NUP214: variants seen among roughly 807,000 people sequenced by gnomAD.
NUP214 encodes the protein nucleoporin 214.
A neutral mutation model predicts 196.2 loss-of-function variants in NUP214; 79 were observed. The observed-to-expected ratio is 0.40, with a 90% CI of 0.34 to 0.49. NUP214 has a LOEUF of 0.49. Ranked by LOEUF, NUP214 falls within the 20% of genes least tolerant of loss-of-function variation. The probability of loss-of-function intolerance (pLI) is 0.58; values close to 1 mark genes in which losing one functional copy is unlikely to be tolerated. For missense variants in NUP214, 2,468 were observed against 2,539.0 expected (o/e 0.97, Z 0.60); for synonymous variants, 1,020 against 990.5 (o/e 1.03, Z -0.56).
intron 30 of NUP214, 41 bp from the exon 31 acceptor site, chr9:131,215,171 C>G (rs750276422): frequency 4.8e-6 from 7 of 1,456,528 alleles, no homozygotes; most frequent in Non-Finnish European, 6.4e-6. Flanking sequence ...TTCACGATGA[C>G]CTCTCATCCT....
rs144157678 is a variant in NUP214 at position 131,198,372 on chromosome 9, C to T, written c.4878C>T (p.Pro1626=). The change falls in exon 29 of 36, where the codon CCC becomes CCT. Residue 1626 remains proline (P), a synonymous_variant. Transcript: ENST00000359428. ...IASSTTSIVA[P]GPSAEAAAFG... ...CCAGCACCACGTCCATTGTTGCTCC[C>T]GGCCCATCTGCAGAGGCAGCAGCAT... is the stretch of plus-strand genomic sequence containing the variant. 62 of 1,614,124 alleles carry T rather than the reference C, an allele frequency of 3.8e-5. No homozygotes were observed. Among genetic ancestry groups the T allele is most frequent in the Non-Finnish European group, 4.8e-5 (57 of 1,180,050 alleles).
chr9:131,169,044 T>TG (rs1247366553), intron 21 of NUP214, among the ~76,000 whole-genome samples: 27 of 148,374 alleles, frequency 1.8e-4, no homozygotes, highest in African/African-American at 6.4e-4. Flanking sequence ...GTTTTTTTTT[T>TG]TTTTTTGGAG....
At chr9:131,145,605 G>C (rs958683796) in intron 12 of NUP214, among the ~76,000 whole-genome samples, 4 of 152,208 alleles carry the variant, frequency 2.6e-5, no homozygotes, top group Non-Finnish European at 5.9e-5. Context: ...TCTAATGCTG[G>C]AGTTTAGATT....
intron 17 of NUP214, among the ~76,000 whole-genome samples, chr9:131,152,561 T>G (rs1440817049): frequency 6.6e-6 from 1 of 152,088 alleles, no homozygotes; most frequent in Non-Finnish European, 1.5e-5. Context: ...TTTAATCTGC[T>G]AGGTGTTTCT....
rs184345700 is a variant in NUP214, at chr9:131,136,450, G to A, written c.1005+444G>A. On this transcript the variant is annotated intron_variant, in intron 9 of 35. Transcript: ENST00000359428. ...GGGTGTCAGACTTAGCACTTCCTTC[G>A]CTTCTGTTCTTTTAGGATCCAACCC... is the stretch of plus-strand genomic sequence containing the variant. 2.5e-3 allele frequency: 390 copies of A among 155,616 alleles called. 1 individual carries two copies. Among genetic ancestry groups the A allele is most frequent in the Non-Finnish European group, 2.4e-3 (166 of 69,902 alleles). 9.6% of individuals were successfully genotyped at this position (155,616 alleles called of 1,614,324 possible).
chr9:131,196,220 G>A (rs541491277), intron 28 of NUP214, among the ~76,000 whole-genome samples: 7 of 151,726 alleles, frequency 4.6e-5, no homozygotes, highest in East Asian at 1.9e-4. Context: ...GTGTAATGGC[G>A]CAATTGCAGT....
At chr9:131,160,132 T>G (rs931618836) in intron 18 of NUP214, among the ~76,000 whole-genome samples, 4 of 152,072 alleles carry the variant, frequency 2.6e-5, no homozygotes, top group African/African-American at 9.7e-5. Flanking sequence ...ATAAATTATT[T>G]AATATATTGA....
chr9:131,156,665 T>C (rs768340178), intron 17 of NUP214, among the ~76,000 whole-genome samples: 14 of 152,056 alleles, frequency 9.2e-5, no homozygotes, highest in Non-Finnish European at 1.8e-4. Context: ...TACTGATTTG[T>C]GTACATTGAT....
intron 5 of NUP214, 49 bp from the exon 6 acceptor site, chr9:131,132,547 A>G: frequency 6.7e-7 from 1 of 1,498,360 alleles, no homozygotes; most frequent in Non-Finnish European, 9.3e-7. Flanking sequence ...TGATTGGTTT[A>G]GGATTTGTTT....
chr9:131,173,007 A>G (rs1328139277), intron 21 of NUP214, among the ~76,000 whole-genome samples: 3 of 152,222 alleles, frequency 2.0e-5, no homozygotes, highest in East Asian at 3.8e-4. Context: ...TTCGTAGTCT[A>G]AACAGAAGGC....
intron 35 of NUP214, 76 bp from the exon 36 acceptor site, chr9:131,233,378 C>G: frequency 1.4e-6 from 2 of 1,442,114 alleles, no homozygotes; most frequent in Non-Finnish European, 1.9e-6. Flanking sequence ...CCTTTGCACA[C>G]AGGCAGAGCA....
In NUP214 at chr9:131,234,571, G is replaced by A. The variant is rs938124015; in HGVS notation, c.*1084G>A. On this transcript the variant is annotated 3_prime_UTR_variant, in exon 36 of 36. Coordinates refer to ENST00000359428, the MANE Select transcript of NUP214 (RefSeq NM_005085.4). ...TGCTTTGGCTTGGGTCATGAGCAGCGGGGAGTTGGGAAGAGATTTTTTTTT... is the reference window on the plus strand; with the variant it reads ...TGCTTTGGCTTGGGTCATGAGCAGCAGGGAGTTGGGAAGAGATTTTTTTTT... 6 of 231,688 alleles carry A rather than the reference G, an allele frequency of 2.6e-5. No homozygotes were observed. The highest frequency in any genetic ancestry group is 6.7e-5 in the African/African-American group (3 of 45,074). The allele number at this position is 231,688 out of a possible 1,614,324, so 14.4% of individuals were successfully genotyped here. A position where few individuals can be genotyped will look rare whatever the true frequency, so the allele number is the denominator to read the frequency against.
At chr9:131,195,673 C>G (rs1420757092) in intron 28 of NUP214, 1 of 174,806 alleles carries the variant, frequency 5.7e-6, no homozygotes, top group African/African-American at 2.4e-5. Context: ...AAAGACCAAA[C>G]TCGTTTTTTT....
chr9:131,186,440 C>A (rs1297514546), intron 24 of NUP214, among the ~76,000 whole-genome samples: 1 of 152,188 alleles, frequency 6.6e-6, no homozygotes, highest in Admixed American at 6.5e-5. Context: ...CTTTTATCTT[C>A]TAAGTTCATT....
intron 17 of NUP214, among the ~76,000 whole-genome samples, chr9:131,156,322 C>CG (rs1378761962): frequency 6.6e-6 from 1 of 151,786 alleles, no homozygotes. Flanking sequence ...TCAGTAGAGA[C>CG]GGGGTTTCAC....
chr9:131,231,224 G>A lies in NUP214; in HGVS notation c.6214+455G>A, dbSNP rs1347296161. ...ATATATATTTTTGAGACGGAGTCTC[G>A]CTCTGTTGCCCAGGATGGAGTGCAG... On this transcript the variant is annotated intron_variant, in intron 34 of 35. Coordinates refer to ENST00000359428, the MANE Select transcript of NUP214 (RefSeq NM_005085.4). Among the ~76,000 whole-genome samples the A allele has an allele frequency of 4.6e-5, 7 of 152,000 alleles. No individual in the cohort carries two copies. The East Asian group carries it at 9.7e-4, about 21-fold the overall frequency.
intron 24 of NUP214, among the ~76,000 whole-genome samples, chr9:131,186,525 C>CTA (rs1160483756): frequency 6.6e-6 from 1 of 152,184 alleles, no homozygotes. Context: ...ACTACTACTG[C>CTA]TATATATACC....
chr9:131,206,162 T>TTTTTTTTTTTTTTTTTTTTA (rs71372703), intron 30 of NUP214, among the ~76,000 whole-genome samples: 4 of 126,402 alleles, frequency 3.2e-5, no homozygotes, highest in South Asian at 2.6e-4. Flanking sequence ...TTTTTTTTTT[T>TTTTTTTTTTTTTTTTTTTTA]GAGACAGGGT....
chr9:131,182,992 A>C (rs1035874582), intron 24 of NUP214, among the ~76,000 whole-genome samples: 2 of 152,258 alleles, frequency 1.3e-5, no homozygotes, highest in South Asian at 4.1e-4. Flanking sequence ...GCAGTATTCT[A>C]TTTTCTCCCT....
Sources: gnomAD v4.1 joint callset for allele counts (sites outside exome capture counted in the v4.1 genomes callset) on GRCh38, gnomAD v4.1.1 for gene constraint, MANE v1.5 for transcripts, NCBI Gene and HGNC (gene_info 2026-07-23, HGNC 2026-07-21) for gene names.